The following YTHDC1 variants were observed in gnomAD, a reference collection of about 807,000 sequenced individuals.
YTHDC1 encodes the protein YTH N6-methyladenosine RNA binding protein C1, also known as YTH domain-containing protein 1.
A neutral mutation model predicts 107.0 loss-of-function variants in YTHDC1; 12 were observed. The ratio of observed to expected loss-of-function variants is 0.11; its 90% confidence interval spans 0.07 to 0.18. The LOEUF is 0.18. Among genes scored for constraint, YTHDC1 ranks in the 10% least tolerant of loss-of-function variants. YTHDC1 has a pLI of 1.00. For missense variants in YTHDC1, 635 were observed against 898.8 expected, an observed-to-expected ratio of 0.71 and a Z score of 3.75; for synonymous variants, 280 against 289.5, an observed-to-expected ratio of 0.97 and a Z score of 0.33.
At chr4:68,344,936 T>C (rs1210151344) in intron 1 of YTHDC1, among the ~76,000 whole-genome samples, 2 of 152,100 alleles carry the variant, frequency 1.3e-5, no homozygotes, top group Non-Finnish European at 2.9e-5. Flanking sequence ...GAAGCTGAAG[T>C]GGGAGAATCA....
intron 11 of YTHDC1, among the ~76,000 whole-genome samples, chr4:68,321,179 T>C (rs912722330): frequency 2.0e-5 from 3 of 152,204 alleles, no homozygotes; most frequent in Admixed American, 6.5e-5. Flanking sequence ...AAAAACTTGA[T>C]AACAACCTAG....
chr4:68,326,126 G>T (rs988558517), intron 9 of YTHDC1, among the ~76,000 whole-genome samples: 3 of 152,012 alleles, frequency 2.0e-5, no homozygotes, highest in African/African-American at 7.2e-5. Flanking sequence ...ATATAAGAAG[G>T]TTATAAATTA....
In YTHDC1 at chr4:68,327,290, G is replaced by A. The variant is rs114312796; in HGVS notation, c.1349+2712C>T. 6.0e-3 allele frequency among the ~76,000 whole-genome samples: 908 copies of A among 152,204 alleles called. 10 individuals are homozygous for A. Among genetic ancestry groups the A allele is most frequent in the African/African-American group, 0.021 (857 of 41,546 alleles). ...CTCTAAATGAAAACAGAAATGGGTTGTTTGGAATGGACATGAAAGGAATAT... is the reference window on the plus strand; with the variant it reads ...CTCTAAATGAAAACAGAAATGGGTTATTTGGAATGGACATGAAAGGAATAT... On this transcript the variant is annotated intron_variant, in intron 9 of 16. Transcript: ENST00000344157.
At chr4:68,330,176 T>C (rs371509491) in intron 8 of YTHDC1, 26 bp downstream of exon 8, 7 of 1,574,070 alleles carry the variant, frequency 4.4e-6, no homozygotes, top group Non-Finnish European at 5.2e-6. Context: ...AATGTTTTTA[T>C]ATGTCCAAAT....
intron 1 of YTHDC1, among the ~76,000 whole-genome samples, chr4:68,347,038 A>T (rs1353442388): frequency 1.3e-5 from 2 of 152,162 alleles, no homozygotes; most frequent in African/African-American, 2.4e-5. Flanking sequence ...CATGTCATTT[A>T]ACCAGTCAGT....
chr4:68,322,483 T>A lies in YTHDC1; in HGVS notation c.1601+266A>T, dbSNP rs548335487. ...CTCATTTCAATTGTATACATTGTAT[T>A]ATCAGAGTATTATCTAATCTAAACT... On this transcript the variant is annotated intron_variant, in intron 11 of 16. Coordinates refer to ENST00000344157, the MANE Select transcript of YTHDC1 (RefSeq NM_001031732.4). This position sits in a 1 kb window ranked among gnomAD's most constrained non-coding sequence, Gnocchi z 4.8. 18 of 409,442 alleles carry A rather than the reference T, an allele frequency of 4.4e-5. No individual in the cohort carries two copies. The East Asian group carries it at 5.2e-4, about 12-fold the overall frequency. 25.4% of individuals were successfully genotyped at this position (409,442 alleles called of 1,614,324 possible). A position where few individuals can be genotyped will look rare whatever the true frequency, so the allele number is the denominator to read the frequency against.
chr4:68,316,438 G>T lies in YTHDC1; in HGVS notation c.1835C>A (p.Pro612Gln). ...PPPWQGMPPY[P>Q]GMEQPPHHPY... ...ATGGTGTGGAGGTTGTTCCATTCCT[G>T]GGTAAGGGGGCTAAAAAAGGAAAAC... The change falls in exon 16 of 17, where the codon CCA (proline) becomes CAA (glutamine). Residue 612 changes from proline (P) to glutamine (Q), a missense_variant. Coordinates refer to ENST00000344157, the MANE Select transcript of YTHDC1 (RefSeq NM_001031732.4). 1.2e-6 allele frequency: 2 copies of T among 1,612,456 alleles called. No individual in the cohort carries two copies. The highest frequency in any genetic ancestry group is 1.7e-6 in the Non-Finnish European group (2 of 1,179,486).
At position 68,336,181 on chromosome 4, in the gene YTHDC1, T is replaced by C. The variant is rs527447285; in HGVS notation, c.883+846A>G. ...AATTCTATAATAAACTGTAAATGTA[T>C]TTCAAAAAAATAGGAATTTTCTTAT... On this transcript the variant is annotated intron_variant, in intron 4 of 16. Transcript: ENST00000344157. 1.7e-3 allele frequency among the ~76,000 whole-genome samples: 258 copies of C among 151,554 alleles called. 2 individuals carry two copies. The highest frequency in any genetic ancestry group is 2.9e-3 in the Non-Finnish European group (196 of 67,866).
rs1036700808 is a variant in YTHDC1, at chr4:68,349,717, C to T, written c.28+9G>A. 9 of 1,612,254 alleles carry T rather than the reference C, an allele frequency of 5.6e-6. No individual in the cohort carries two copies. The highest frequency in any genetic ancestry group is 4.0e-5 in the African/African-American group (3 of 74,558). ...CTCGCCTCGGCCCGTCATCTTTCTC[C>T]GCACTAACCTTTCTCCTCCCGACTG... On this transcript the variant is annotated intron_variant, in intron 1 of 16. Transcript: ENST00000344157.
At chr4:68,332,290 C>G (rs945338382) in intron 6 of YTHDC1, 93 bp from the exon 7 acceptor site, 10 of 726,714 alleles carry the variant, frequency 1.4e-5, no homozygotes, top group African/African-American at 1.3e-4. Context: ...CCTCCACAAC[C>G]CAGCTAAACT....
At chr4:68,343,919 T>C (rs1725131501) in intron 1 of YTHDC1, 1 of 152,192 alleles carries the variant, frequency 6.6e-6, no homozygotes, top group Admixed American at 6.5e-5. Flanking sequence ...CAAATCTATC[T>C]AAAAGTTTTA....
At chr4:68,317,232 A>T (rs1190806061) in intron 15 of YTHDC1, among the ~76,000 whole-genome samples, 4 of 152,204 alleles carry the variant, frequency 2.6e-5, no homozygotes, top group Non-Finnish European at 5.9e-5. Context: ...TCTCAAAAAA[A>T]AAGTCCAGGA....
Position 68,332,867 on chromosome 4 carries a change from A to T in YTHDC1, c.974-20T>A. 6.2e-7 allele frequency: 1 copy of T among 1,607,850 alleles called. No homozygotes were observed. The highest frequency in any genetic ancestry group is 8.5e-7 in the Non-Finnish European group (1 of 1,175,426). On this transcript the variant is annotated intron_variant, in intron 5 of 16. Transcript: ENST00000344157. ...CTGAACCTGTATTTAGCCAAAGTAC[A>T]TTTGTTCAGATTGAGCTTTAATAGA...
At chr4:68,339,635 T>C (rs1344684459) in intron 1 of YTHDC1, among the ~76,000 whole-genome samples, 2 of 128,020 alleles carry the variant, frequency 1.6e-5, no homozygotes, top group Non-Finnish European at 3.4e-5. Context: ...ATGAGACAAA[T>C]GTGACAAAAT....
At chr4:68,317,571 C>T (rs988398890) in intron 15 of YTHDC1, among the ~76,000 whole-genome samples, 6 of 152,266 alleles carry the variant, frequency 3.9e-5, no homozygotes, top group African/African-American at 7.2e-5. Flanking sequence ...TTAAAATATA[C>T]TCTAAGACAA....
In YTHDC1 at chr4:68,322,610, C is replaced by A; in HGVS notation, c.1601+139G>T. 1.9e-6 allele frequency: 2 copies of A among 1,051,760 alleles called. No individual in the cohort carries two copies. Among genetic ancestry groups the A allele is most frequent in the Non-Finnish European group, 2.6e-6 (2 of 755,672 alleles). 65.2% of individuals were successfully genotyped at this position (1,051,760 alleles called of 1,614,324 possible). A position where few individuals can be genotyped will look rare whatever the true frequency, so the allele number is the denominator to read the frequency against. On this transcript the variant is annotated intron_variant, in intron 11 of 16. Coordinates refer to ENST00000344157, the MANE Select transcript of YTHDC1 (RefSeq NM_001031732.4). This position sits in a 1 kb window ranked among gnomAD's most constrained non-coding sequence, Gnocchi z 4.8. Reference sequence around the variant, plus strand: ...TGACCATGTGAAATCCTCAATGAAGCCACAAACTAGTCCATGCAGCTTGAT... The same window carrying A: ...TGACCATGTGAAATCCTCAATGAAGACACAAACTAGTCCATGCAGCTTGAT...
chr4:68,334,091 G>T (rs1417363010), intron 4 of YTHDC1, among the ~76,000 whole-genome samples: 2 of 152,132 alleles, frequency 1.3e-5, no homozygotes, highest in Non-Finnish European at 2.9e-5. Flanking sequence ...TACCTGCCAT[G>T]TAAGAACCAG....
chr4:68,346,096 T>TATATATATATATACAC (rs1230266568), intron 1 of YTHDC1, among the ~76,000 whole-genome samples: 1 of 140,382 alleles, frequency 7.1e-6, no homozygotes, highest in African/African-American at 2.7e-5. Context: ...TATATATATA[T>TATATATATATATACAC]ATATACACAC....
intron 1 of YTHDC1, among the ~76,000 whole-genome samples, chr4:68,346,102 C>CAT (rs1560507690): frequency 5.3e-5 from 3 of 56,674 alleles, no homozygotes; most frequent in African/African-American, 2.0e-4. Context: ...TATATATATA[C>CAT]ACACACACCT....
Sources: gnomAD v4.1 joint callset for allele counts (sites outside exome capture counted in the v4.1 genomes callset) on GRCh38, gnomAD v4.1.1 for gene constraint, Gnocchi (gnomAD v3.1) non-coding constraint, MANE v1.5 for transcripts, NCBI Gene and HGNC (gene_info 2026-07-23, HGNC 2026-07-21) for gene names.